The following SHANK2 variants were observed in gnomAD, a reference collection of about 807,000 sequenced individuals.
The protein encoded by SHANK2 is SH3 and multiple ankyrin repeat domains 2.
A neutral mutation model predicts 133.7 loss-of-function variants in SHANK2; 43 were observed. The ratio of observed to expected loss-of-function variants is 0.32; its 90% CI spans 0.25 to 0.41. The LOEUF is 0.41. Ranked by LOEUF, SHANK2 falls within the 10% of genes least tolerant of loss-of-function variation. The probability of loss-of-function intolerance (pLI) is 1.00; values close to 1 mark genes in which losing one functional copy is unlikely to be tolerated. For synonymous variants in SHANK2, 1,017 were observed against 952.8 expected (o/e 1.07, Z -1.24); for missense variants, 1,994 against 2,235.8 (o/e 0.89, Z 2.18).
intron 17 of SHANK2, among the ~76,000 whole-genome samples, chr11:70,524,321 C>T (rs771415750): frequency 1.2e-4 from 18 of 152,210 alleles, no homozygotes; most frequent in Non-Finnish European, 2.4e-4. Context: ...GCCTTACCAG[C>T]GTGGATGCAC....
chr11:70,728,978 G>A (rs1555031363), intron 14 of SHANK2, among the ~76,000 whole-genome samples: 1 of 152,080 alleles, frequency 6.6e-6, no homozygotes, highest in Admixed American at 6.5e-5. Flanking sequence ...GCCGAGGTGG[G>A]TGGATCACCT....
At chr11:70,502,673 G>C (rs961174494) in intron 18 of SHANK2, 123 bp downstream of exon 18, 8 of 1,157,666 alleles carry the variant, frequency 6.9e-6, no homozygotes, top group African/African-American at 1.5e-5. Flanking sequence ...CCCTGTGCCT[G>C]GGCTCTCAGA....
At chr11:71,222,529 G>C (rs781817717) in intron 2 of SHANK2, among the ~76,000 whole-genome samples, 11 of 152,356 alleles carry the variant, frequency 7.2e-5, no homozygotes, top group Admixed American at 1.3e-4. Context: ...CCGAGGCCCA[G>C]CTGGCCGGAC....
At chr11:71,156,753 AG>A (rs1952913231) in intron 2 of SHANK2, among the ~76,000 whole-genome samples, 1 of 152,240 alleles carries the variant, frequency 6.6e-6, no homozygotes, top group Non-Finnish European at 1.5e-5. Flanking sequence ...TTTATATGGC[AG>A]TGTCTCAGAG....
chr11:70,903,387 AAAGT>A (rs1478210995), intron 10 of SHANK2, among the ~76,000 whole-genome samples: 4 of 137,170 alleles, frequency 2.9e-5, no homozygotes, highest in Non-Finnish European at 6.2e-5. Context: ...AAAATAAAAT[AAAGT>A]AAATAAAATA....
chr11:71,160,555 C>A (rs1952993390), intron 2 of SHANK2, among the ~76,000 whole-genome samples: 1 of 152,202 alleles, frequency 6.6e-6, no homozygotes. Context: ...CCTCTGCAAG[C>A]CAGGAAGCAG....
chr11:71,202,258 A>AT (rs1476060775), intron 2 of SHANK2, among the ~76,000 whole-genome samples: 22 of 152,142 alleles, frequency 1.4e-4, no homozygotes, highest in African/African-American at 5.3e-4. Context: ...CCCCAGCCCC[A>AT]TCCCCTCCTC....
At chr11:70,640,213 T>A (rs2061158758) in intron 17 of SHANK2, among the ~76,000 whole-genome samples, 1 of 152,126 alleles carries the variant, frequency 6.6e-6, no homozygotes, top group Non-Finnish European at 1.5e-5. Flanking sequence ...TTAAGGACCT[T>A]GAGATGAGAA....
At position 70,874,674 on chromosome 11, in the gene SHANK2, T is replaced by TAAA. The variant is rs34587004; in HGVS notation, c.1174+21824_1174+21826dup. 8.6e-3 allele frequency among the ~76,000 whole-genome samples: 981 copies of TAAA among 114,132 alleles called. 12 individuals carry two copies. Among genetic ancestry groups the TAAA allele is most frequent in the African/African-American group, 0.024 (719 of 29,454 alleles). The allele number at this position is 114,132 out of a possible 152,430, so 74.9% of individuals were successfully genotyped here. The stretch of plus-strand genomic sequence containing the variant: ...TTGAAATCTGCATATCTGCATTTAC[T>TAAA]AAAAAAAAAAAAAAAAAAAAAAAAT... On this transcript the variant is annotated intron_variant, in intron 11 of 25. Transcript: ENST00000601538.
intron 5 of SHANK2, 54 bp from the exon 6 acceptor site, chr11:71,110,103 G>A (rs781908147): frequency 3.8e-6 from 5 of 1,312,912 alleles, no homozygotes; most frequent in Non-Finnish European, 5.4e-6. Context: ...GTCCCAACCT[G>A]AGCAACAAAG....
intron 2 of SHANK2, among the ~76,000 whole-genome samples, chr11:71,205,423 C>A (rs1346832907): frequency 6.6e-6 from 1 of 152,146 alleles, no homozygotes; most frequent in Non-Finnish European, 1.5e-5. Context: ...GGCGCTCCTG[C>A]GAGAACCTCC....
rs2058796563 is a variant in SHANK2, at chr11:70,485,924, T to C, written c.4369A>G (p.Thr1457Ala). 1.9e-6 allele frequency: 3 copies of C among 1,613,928 alleles called. No individual in the cohort carries two copies. The highest frequency in any genetic ancestry group is 1.7e-5 in the Admixed American group (1 of 59,996). Residue 1457 changes from threonine (T) to alanine (A), a missense_variant, in exon 25 of 26, where the codon ACC becomes GCC. By Grantham distance (58) the Thr-to-Ala change is moderately conservative (BLOSUM62 0). This residue lies in a region of SHANK2 where 797 missense variants were observed against 907.4 expected (regional missense o/e 0.88). Coordinates refer to ENST00000601538, the MANE Select transcript of SHANK2 (RefSeq NM_012309.5). The surrounding 1 kb of genome is among the most constrained non-coding windows in gnomAD (Gnocchi z 5.8). Reference protein sequence around the residue: ...QSPSLNSSQPTNSADSKKPAS... With the variant: ...QSPSLNSSQPANSADSKKPAS... ...GGCTTCTTGCTGTCTGCAGAGTTGG[T>C]TGGTTGGCTGGAGTTCAACGAAGGG...
intron 17 of SHANK2, among the ~76,000 whole-genome samples, chr11:70,541,958 C>T (rs2059627554): frequency 6.6e-6 from 1 of 152,228 alleles, no homozygotes; most frequent in Non-Finnish European, 1.5e-5. Context: ...CACTCAGAAG[C>T]TTCTGCACAC....
chr11:71,197,792 A>T (rs115317079), intron 2 of SHANK2, among the ~76,000 whole-genome samples: 4,642 of 152,242 alleles, frequency 0.03, 105 homozygotes, highest in African/African-American at 0.062. Context: ...CTGGGACTAC[A>T]CTGGCAGGCA....
At chr11:70,629,934 C>T (rs1267060119) in intron 17 of SHANK2, among the ~76,000 whole-genome samples, 2 of 152,214 alleles carry the variant, frequency 1.3e-5, no homozygotes, top group Admixed American at 6.5e-5. Context: ...GCTACAAAAC[C>T]CCTTTTCTCA....
Position 70,807,313 on chromosome 11 carries a change from T to C in SHANK2, c.1494-142A>G, listed in dbSNP as rs1378598204. 1 of 641,092 alleles carries C rather than the reference T, an allele frequency of 1.6e-6. No individual in the cohort carries two copies. The highest frequency in any genetic ancestry group is 2.8e-6 in the Non-Finnish European group (1 of 360,016). 39.7% of individuals were successfully genotyped at this position (641,092 alleles called of 1,614,324 possible). ...GAACTCCTGATGCCAGACAGGAAGA[T>C]GGGAACAGGCCGGGGCAGCACTGTG... On this transcript the variant is annotated intron_variant, in intron 12 of 25. Transcript: ENST00000601538. The surrounding 1 kb of genome is among the most constrained non-coding windows in gnomAD (Gnocchi z 4.8).
At chr11:70,541,063 C>G (rs1554975085) in intron 17 of SHANK2, among the ~76,000 whole-genome samples, 1 of 152,134 alleles carries the variant, frequency 6.6e-6, no homozygotes, top group East Asian at 1.9e-4. Context: ...CTTCGTATGA[C>G]TGGGATGGTT....
intron 14 of SHANK2, among the ~76,000 whole-genome samples, chr11:70,744,691 G>C (rs1946602000): frequency 1.3e-5 from 2 of 152,214 alleles, no homozygotes. Flanking sequence ...CGAAGTGCCA[G>C]CGTTTCTCCA....
chr11:71,193,052 G>C (rs1322242645), intron 2 of SHANK2, among the ~76,000 whole-genome samples: 1 of 152,202 alleles, frequency 6.6e-6, no homozygotes, highest in Non-Finnish European at 1.5e-5. Context: ...TAGAAAAAGA[G>C]AGAAATAAAA....
Sources: allele counts gnomAD v4.1 joint callset (sites outside exome capture counted in the v4.1 genomes callset), GRCh38; gene constraint gnomAD v4.1.1; regional missense constraint gnomAD v4.1.1; non-coding constraint Gnocchi (gnomAD v3.1); transcripts MANE v1.5; gene names NCBI Gene and HGNC (gene_info 2026-07-23, HGNC 2026-07-21).